The following EGFLAM variants were observed in gnomAD, a reference collection of about 807,000 sequenced individuals.
EGFLAM encodes the protein EGF like, fibronectin type III and laminin G domains, also known as pikachurin.
In EGFLAM, 79 loss-of-function variants were observed where a neutral mutation model predicts 113.1. The ratio of observed to expected loss-of-function variants is 0.70; its 90% confidence interval spans 0.58 to 0.84. EGFLAM has a LOEUF of 0.84. EGFLAM is among the 40% of genes least tolerant of loss of function. EGFLAM has a pLI of 0.00. For synonymous variants in EGFLAM, 504 were observed against 487.6 expected (o/e 1.03, Z -0.44); for missense variants, 1,265 against 1,291.6 (o/e 0.98, Z 0.32).
At chr5:38,328,462 C>T (rs1025554744) in intron 1 of EGFLAM, among the ~76,000 whole-genome samples, 20 of 151,938 alleles carry the variant, frequency 1.3e-4, no homozygotes, top group African/African-American at 4.6e-4. Context: ...TTCTGGAGGC[C>T]CAAGGATAAG....
chr5:38,320,093 C>T (rs891444760), intron 1 of EGFLAM, among the ~76,000 whole-genome samples: 8 of 152,254 alleles, frequency 5.3e-5, no homozygotes, highest in African/African-American at 1.9e-4. Context: ...TTTGGAAGAA[C>T]ATGCTAGGTG....
chr5:38,423,741 C>A (rs917612643), intron 12 of EGFLAM, among the ~76,000 whole-genome samples: 3 of 152,316 alleles, frequency 2.0e-5, no homozygotes, highest in African/African-American at 7.2e-5. Context: ...AGCTGGAATT[C>A]ACAGAGGCTA....
rs541654357 is a variant in EGFLAM at position 38,376,718 on chromosome 5, T to C, written c.712+6256T>C. Among the ~76,000 whole-genome samples, 11 of 152,334 alleles carry C rather than the reference T, an allele frequency of 7.2e-5. No individual in the cohort carries two copies. The East Asian group carries it at 1.2e-3, about 16-fold the overall frequency. ...TTCTGGTTTTCTTGAGACAGGGTCT[T>C]GGAGTGCAGTGCCATGATCTCAGTT... On this transcript the variant is annotated intron_variant, in intron 6 of 21. Transcript: ENST00000322350.
intron 1 of EGFLAM, among the ~76,000 whole-genome samples, chr5:38,333,269 CATGT>C (rs1360217518): frequency 1.3e-5 from 2 of 152,188 alleles, no homozygotes; most frequent in African/African-American, 4.8e-5. Flanking sequence ...CATTCACATG[CATGT>C]GTCTTTATGG....
At chr5:38,350,746 A>G (rs1029700824) in intron 4 of EGFLAM, 128 bp downstream of exon 4, 3 of 838,476 alleles carry the variant, frequency 3.6e-6, no homozygotes, top group Non-Finnish European at 5.5e-6. Context: ...AGTAGAGAAC[A>G]AAAGTAAGCA....
chr5:38,332,380 C>T (rs1196693995), intron 1 of EGFLAM, among the ~76,000 whole-genome samples: 1 of 151,908 alleles, frequency 6.6e-6, no homozygotes, highest in Non-Finnish European at 1.5e-5. Context: ...TATTACCTGA[C>T]CCAGGTATTA....
At chr5:38,433,805 A>T (rs1365354264) in intron 15 of EGFLAM, among the ~76,000 whole-genome samples, 5 of 152,208 alleles carry the variant, frequency 3.3e-5, no homozygotes, top group Admixed American at 6.5e-5. Context: ...GGGCCACAAG[A>T]ATTCCTGAAA....
At chr5:38,407,741 T>G (rs1282686671) in intron 8 of EGFLAM, 64 bp from the exon 9 acceptor site, 10 of 1,263,784 alleles carry the variant, frequency 7.9e-6, no homozygotes, top group Non-Finnish European at 1.1e-5. Context: ...CGTTGTATAT[T>G]GATTTTTGCT....
intron 5 of EGFLAM, among the ~76,000 whole-genome samples, chr5:38,359,965 A>G (rs1326894980): frequency 6.6e-6 from 1 of 152,170 alleles, no homozygotes; most frequent in Non-Finnish European, 1.5e-5. Flanking sequence ...TATTGGTTTC[A>G]TTTGAGACTT....
At chr5:38,393,771 A>G (rs917490426) in intron 6 of EGFLAM, among the ~76,000 whole-genome samples, 1 of 152,268 alleles carries the variant, frequency 6.6e-6, no homozygotes, top group Non-Finnish European at 1.5e-5. Flanking sequence ...GCGTCCAAGC[A>G]TGTTACCACC....
chr5:38,291,791 C>T (rs1758339883), intron 1 of EGFLAM, among the ~76,000 whole-genome samples: 1 of 152,220 alleles, frequency 6.6e-6, no homozygotes, highest in East Asian at 1.9e-4. Context: ...TCAGGGCTGT[C>T]ACCTGGTATT....
At position 38,451,436 on chromosome 5, in the gene EGFLAM, C is replaced by A. The variant is rs138983512; in HGVS notation, c.2665C>A (p.Arg889=). 10 of 1,614,158 alleles carry A rather than the reference C, an allele frequency of 6.2e-6. No homozygotes were observed. In the Admixed American group the frequency reaches 1.3e-4, roughly 22 times the overall value. Residue 889 remains arginine (R), a synonymous_variant, in exon 19 of 22, where the codon CGG becomes AGG. Transcript: ENST00000322350. ...CAGCGACTTCATTTCCTTGGGCCTT[C>A]GGGATGGAGCCCTCGTGTTCAGGTA... ...PNSDFISLGL[R]DGALVFSYNL...
intron 1 of EGFLAM, among the ~76,000 whole-genome samples, chr5:38,312,434 G>T (rs994639322): frequency 2.0e-5 from 3 of 151,976 alleles, no homozygotes; most frequent in Non-Finnish European, 2.9e-5. Flanking sequence ...GAGAGACGGG[G>T]TTTCACCATG....
At chr5:38,392,311 G>A (rs560215442) in intron 6 of EGFLAM, among the ~76,000 whole-genome samples, 104 of 152,296 alleles carry the variant, frequency 6.8e-4, no homozygotes, top group Non-Finnish European at 1.1e-3. Flanking sequence ...GGACTGCATA[G>A]TATTCCATGA....
At chr5:38,456,929 C>G (rs1249392648) in intron 19 of EGFLAM, among the ~76,000 whole-genome samples, 1 of 152,190 alleles carries the variant, frequency 6.6e-6, no homozygotes, top group Admixed American at 6.5e-5. Context: ...AGTGCCCGGG[C>G]TAGAGTAGTC....
chr5:38,410,664 C>A (rs1222792346), intron 10 of EGFLAM, among the ~76,000 whole-genome samples: 2 of 152,120 alleles, frequency 1.3e-5, no homozygotes, highest in African/African-American at 4.8e-5. Context: ...GCATAGTGAC[C>A]ATGGGCACTC....
chr5:38,326,986 C>T (rs150084023), intron 1 of EGFLAM, among the ~76,000 whole-genome samples: 3,035 of 151,712 alleles, frequency 0.02, 116 homozygotes, highest in African/African-American at 0.069. Flanking sequence ...TTAGTAGAGA[C>T]GGGGTTTTAC....
chr5:38,369,225 A>G (rs1740144066), intron 5 of EGFLAM, among the ~76,000 whole-genome samples: 1 of 152,256 alleles, frequency 6.6e-6, no homozygotes, highest in Non-Finnish European at 1.5e-5. Context: ...ATTAATTTCA[A>G]TAATATATTT....
intron 1 of EGFLAM, among the ~76,000 whole-genome samples, chr5:38,279,073 T>C (rs1443702061): frequency 6.6e-6 from 1 of 152,122 alleles, no homozygotes; most frequent in Admixed American, 6.5e-5. Context: ...TAGACATTTC[T>C]CAAAAGAAGA....
Sources: gnomAD v4.1 joint callset for allele counts (sites outside exome capture counted in the v4.1 genomes callset) on GRCh38, gnomAD v4.1.1 for gene constraint, MANE v1.5 for transcripts, NCBI Gene and HGNC (gene_info 2026-07-23, HGNC 2026-07-21) for gene names.